The following INTS13 variants were observed in gnomAD, a reference collection of about 807,000 sequenced individuals.
INTS13 encodes the protein integrator complex subunit 13.
A neutral mutation model predicts 90.2 loss-of-function variants in INTS13; 35 were observed. The observed-to-expected ratio is 0.39, with a 90% CI of 0.30 to 0.51. The LOEUF is 0.51. Ranked by LOEUF, INTS13 falls within the 20% of genes least tolerant of loss-of-function variation. The pLI is 0.80. For missense variants in INTS13, 601 were observed against 851.2 expected (o/e 0.71, Z 3.66); for synonymous variants, 309 against 277.1 (o/e 1.11, Z -1.14).
chr12:26,929,987 C>T (rs1048816124), intron 3 of INTS13, among the ~76,000 whole-genome samples: 1 of 152,076 alleles, frequency 6.6e-6, no homozygotes, highest in Non-Finnish European at 1.5e-5. Flanking sequence ...CTGTAGTATA[C>T]AAGATTAATA....
chr12:26,925,021 A>G (rs1179223141), intron 6 of INTS13, among the ~76,000 whole-genome samples: 1 of 152,164 alleles, frequency 6.6e-6, no homozygotes, highest in Non-Finnish European at 1.5e-5. Context: ...TTAATTACAA[A>G]TAAGTTTTCA....
chr12:26,912,907 T>C (rs1451606787), intron 14 of INTS13, among the ~76,000 whole-genome samples: 1 of 152,096 alleles, frequency 6.6e-6, no homozygotes, highest in Admixed American at 6.5e-5. Context: ...TTTGTATTTT[T>C]TTAAGTAGAG....
chr12:26,934,140 T>G (rs1005892625), intron 3 of INTS13, among the ~76,000 whole-genome samples: 1 of 152,246 alleles, frequency 6.6e-6, no homozygotes, highest in Non-Finnish European at 1.5e-5. Flanking sequence ...CCAGGCATGG[T>G]GGCACACACC....
Position 26,937,828 on chromosome 12 carries a change from G to C in INTS13, c.-44C>G, listed in dbSNP as rs374358005. The C allele has an allele frequency of 1.3e-5, 2 of 152,942 alleles. No homozygotes were observed. Among genetic ancestry groups the C allele is most frequent in the East Asian group, 1.9e-4 (1 of 5,184 alleles). The allele number at this position is 152,942 out of a possible 1,614,324, so 9.5% of individuals were successfully genotyped here. A position where few individuals can be genotyped will look rare whatever the true frequency, so the allele number is the denominator to read the frequency against. Reference sequence around the variant, plus strand: ...CCTGGTCCTGCAGTGAAAACGAACAGAGGCTATGGACCACAGCCTCTCTGG... The same window carrying C: ...CCTGGTCCTGCAGTGAAAACGAACACAGGCTATGGACCACAGCCTCTCTGG... On this transcript the variant is annotated 5_prime_UTR_variant, in exon 1 of 17. Coordinates refer to ENST00000261191, the MANE Select transcript of INTS13 (RefSeq NM_018164.3).
intron 15 of INTS13, among the ~76,000 whole-genome samples, chr12:26,908,578 T>C (rs1005776770): frequency 3.3e-5 from 5 of 151,798 alleles, no homozygotes; most frequent in African/African-American, 4.8e-5. Context: ...GAGAGTTGAA[T>C]AGACGTTTGC....
intron 1 of INTS13, chr12:26,937,517 A>C (rs1437633928): frequency 6.6e-6 from 1 of 152,336 alleles, no homozygotes; most frequent in African/African-American, 2.4e-5. Flanking sequence ...TTTCTTATTA[A>C]AACAGAGCAT....
chr12:26,912,731 CTT>C (rs10712629), intron 14 of INTS13, among the ~76,000 whole-genome samples: 172 of 144,716 alleles, frequency 1.2e-3, no homozygotes, highest in South Asian at 3.8e-3. Flanking sequence ...GCTGCAATCA[CTT>C]TTTTTTTTTT....
chr12:26,921,846 G>A (rs1952127476), intron 8 of INTS13, among the ~76,000 whole-genome samples: 1 of 152,154 alleles, frequency 6.6e-6, no homozygotes, highest in African/African-American at 2.4e-5. Context: ...AGTAGAGACG[G>A]GCCTTCGCCA....
At position 26,917,453 on chromosome 12, in the gene INTS13, G is replaced by T; in HGVS notation, c.980-12C>A. 1 of 1,410,024 alleles carries T rather than the reference G, an allele frequency of 7.1e-7. No individual in the cohort carries two copies. Among genetic ancestry groups the T allele is most frequent in the Non-Finnish European group, 9.8e-7 (1 of 1,015,964 alleles). 87.3% of individuals were successfully genotyped at this position (1,410,024 alleles called of 1,614,324 possible). On this transcript the variant is annotated splice_polypyrimidine_tract_variant and intron_variant, in intron 9 of 16. Transcript: ENST00000261191. ...ACAATAGTGTAATTCTGAAATAGAA[G>T]AAAACACTGATTTGAAAGAATATAA...
rs1369620715 is a variant in INTS13 at position 26,928,776 on chromosome 12, G to A, written c.430C>T (p.Arg144Cys). ...CKITEYQHEA[R>C]TLLMENAERV... The stretch of plus-strand genomic sequence containing the variant: ...TCTGCATTCTCCATGAGTAGAGTAC[G>A]AGCCTCATGTTGGTATTCAGTAATT... The change falls in exon 4 of 17, where the codon CGT becomes TGT. Residue 144 changes from arginine (R) to cysteine (C), a missense_variant. Arg to Cys is a radical substitution (Grantham distance 180). This residue lies in a region of INTS13 where 284 missense variants were observed against 387.7 expected (regional missense o/e 0.73). Coordinates refer to ENST00000261191, the MANE Select transcript of INTS13 (RefSeq NM_018164.3). 6.8e-6 allele frequency: 11 copies of A among 1,613,982 alleles called. No homozygotes were observed. Among genetic ancestry groups the A allele is most frequent in the East Asian group, 2.2e-5 (1 of 44,888 alleles).
At chr12:26,924,308 A>G in intron 7 of INTS13, 47 bp downstream of exon 7, 1 of 1,594,626 alleles carries the variant, frequency 6.3e-7, no homozygotes, top group Non-Finnish European at 8.6e-7. Flanking sequence ...CAAATATTTA[A>G]AAAGCAAAGC....
chr12:26,914,263 TTTAA>T, intron 12 of INTS13, 135 bp from the exon 13 acceptor site: 1 of 1,195,240 alleles, frequency 8.4e-7, no homozygotes, highest in Non-Finnish European at 1.1e-6. Flanking sequence ...CACTTCAATT[TTTAA>T]TTATTAATTC....
chr12:26,925,935 T>C (rs1937846719), intron 5 of INTS13, 84 bp from the exon 6 acceptor site: 2 of 898,766 alleles, frequency 2.2e-6, no homozygotes, highest in African/African-American at 1.7e-5. Context: ...AACCTTAACA[T>C]ATTAAAACAT....
At chr12:26,914,152 AAAG>A (rs1231408629) in intron 12 of INTS13, 24 bp from the exon 13 acceptor site, 1 of 1,541,548 alleles carries the variant, frequency 6.5e-7, no homozygotes, top group African/African-American at 1.4e-5. Context: ...TTTAAAGAAA[AAAG>A]AAAATCTGTC....
intron 15 of INTS13, 136 bp downstream of exon 15, chr12:26,911,042 C>T (rs892450422): frequency 1.4e-5 from 13 of 915,016 alleles, no homozygotes; most frequent in Non-Finnish European, 8.0e-6. Context: ...ACCATGCTGG[C>T]CAGGCTGGTC....
chr12:26,917,514 A>C (rs1951971959), intron 9 of INTS13, 73 bp from the exon 10 acceptor site: 1 of 1,249,866 alleles, frequency 8.0e-7, no homozygotes, highest in Non-Finnish European at 1.1e-6. Context: ...AGAAAAAAAA[A>C]CTTCTTCACT....
rs781305923 is a variant in INTS13, at chr12:26,906,446, A to G, written c.1946-9T>C. On this transcript the variant is annotated splice_polypyrimidine_tract_variant and intron_variant, in intron 15 of 16. Transcript: ENST00000261191. The stretch of plus-strand genomic sequence containing the variant: ...TAATAACGACACTGGCCCTAGTGTT[A>G]TATTTAAAAGGAGAGAGAAAAAAAA... 5.0e-5 allele frequency: 79 copies of G among 1,594,002 alleles called. No individual in the cohort carries two copies. The South Asian group carries it at 8.9e-4, about 18-fold the overall frequency.
At chr12:26,912,889 A>G (rs764883954) in intron 14 of INTS13, among the ~76,000 whole-genome samples, 19 of 152,066 alleles carry the variant, frequency 1.2e-4, no homozygotes, top group Admixed American at 6.6e-4. Flanking sequence ...CCCCATACCC[A>G]GCTGATTTTT....
At chr12:26,910,277 G>C (rs933009940) in intron 15 of INTS13, among the ~76,000 whole-genome samples, 2 of 152,060 alleles carry the variant, frequency 1.3e-5, no homozygotes, top group Non-Finnish European at 2.9e-5. Context: ...TATAGTATCA[G>C]GAACATAAAC....
Sources: allele counts gnomAD v4.1 joint callset (sites outside exome capture counted in the v4.1 genomes callset), GRCh38; gene constraint gnomAD v4.1.1; regional missense constraint gnomAD v4.1.1; transcripts MANE v1.5; gene names NCBI Gene and HGNC (gene_info 2026-07-23, HGNC 2026-07-21).